The following PCDH15 variants were observed in gnomAD, a reference collection of about 807,000 sequenced individuals.
PCDH15 encodes protocadherin related 15, also known as protocadherin-15.
PCDH15 carries 129 observed loss-of-function variants against 178.5 expected under a neutral mutation model. The observed-to-expected ratio is 0.72, with a 90% confidence interval of 0.63 to 0.84. The LOEUF (loss-of-function observed/expected upper bound fraction) is 0.84, where lower values mean the gene tolerates loss of function less well. Among genes scored for constraint, PCDH15 ranks in the 40% least tolerant of loss-of-function variants. PCDH15 has a pLI of 0.00. For synonymous variants in PCDH15, 800 were observed against 732.0 expected, an observed-to-expected ratio of 1.09 and a Z score of -1.50; for missense variants, 2,230 against 2,099.9, an observed-to-expected ratio of 1.06 and a Z score of -1.21.
intron 1 of PCDH15, among the ~76,000 whole-genome samples, chr10:55,222,511 C>T (rs1005845822): frequency 6.6e-6 from 1 of 151,476 alleles, no homozygotes; most frequent in African/African-American, 2.4e-5. Flanking sequence ...TTTTTATTAA[C>T]GTTGTAAAAT....
intron 1 of PCDH15, among the ~76,000 whole-genome samples, chr10:55,229,808 A>C (rs760689010): frequency 2.6e-5 from 4 of 152,052 alleles, no homozygotes; most frequent in Non-Finnish European, 5.9e-5. Flanking sequence ...AATATTGATA[A>C]AAGCGGGGGT....
intron 3 of PCDH15, among the ~76,000 whole-genome samples, chr10:54,462,961 T>A (rs2136505309): frequency 6.6e-6 from 1 of 152,232 alleles, no homozygotes; most frequent in South Asian, 2.1e-4. Context: ...TACATCATTT[T>A]AAAACATTTC....
intron 9 of PCDH15, among the ~76,000 whole-genome samples, chr10:54,232,703 C>A (rs1030021430): frequency 6.6e-6 from 1 of 151,976 alleles, no homozygotes; most frequent in African/African-American, 2.4e-5. Flanking sequence ...TTTTTTATTT[C>A]TCTAAGCTAA....
At chr10:55,120,494 T>G (rs1200139745) in intron 2 of PCDH15, among the ~76,000 whole-genome samples, 2 of 152,040 alleles carry the variant, frequency 1.3e-5, no homozygotes, top group Non-Finnish European at 2.9e-5. Context: ...GCCCCAGGAC[T>G]GAGATCTGGA....
At chr10:53,994,792 G>A (rs1005392818) in intron 21 of PCDH15, 16 of 152,110 alleles carry the variant, frequency 1.1e-4, no homozygotes, top group African/African-American at 3.9e-4. Context: ...AATCGAAGCT[G>A]AAAAATGTTA....
chr10:55,234,298 A>G (rs1430760602), intron 1 of PCDH15, among the ~76,000 whole-genome samples: 1 of 152,142 alleles, frequency 6.6e-6, no homozygotes, highest in Non-Finnish European at 1.5e-5. Flanking sequence ...CAAATACTCA[A>G]AAACAATGTT....
At chr10:55,238,446 G>A (rs539805984) in intron 1 of PCDH15, among the ~76,000 whole-genome samples, 2 of 151,892 alleles carry the variant, frequency 1.3e-5, no homozygotes, top group Admixed American at 6.6e-5. Context: ...CACCGCGCCC[G>A]GCCGCATTCA....
At chr10:55,030,082 C>A (rs567138441) in intron 2 of PCDH15, among the ~76,000 whole-genome samples, 1 of 152,194 alleles carries the variant, frequency 6.6e-6, no homozygotes, top group South Asian at 2.1e-4. Flanking sequence ...ACAAGTTAGG[C>A]TGATGAGCTG....
At chr10:54,324,690 G>A (rs1284194943) in intron 7 of PCDH15, among the ~76,000 whole-genome samples, 1 of 151,966 alleles carries the variant, frequency 6.6e-6, no homozygotes, top group Admixed American at 6.6e-5. Flanking sequence ...TCATGAACAC[G>A]AGAGGCGAAG....
chr10:54,299,879 G>T (rs1213988512), intron 8 of PCDH15, among the ~76,000 whole-genome samples: 3 of 152,158 alleles, frequency 2.0e-5, no homozygotes, highest in Non-Finnish European at 4.4e-5. Context: ...AGTTAATATG[G>T]ACTGAACGAG....
chr10:54,347,992 GC>G (rs966045440), intron 5 of PCDH15, among the ~76,000 whole-genome samples: 119 of 152,032 alleles, frequency 7.8e-4, no homozygotes, highest in African/African-American at 2.8e-3. Flanking sequence ...GGGACCACAG[GC>G]GCCCACCACC....
At chr10:55,056,079 T>C (rs1176928780) in intron 2 of PCDH15, among the ~76,000 whole-genome samples, 1 of 152,172 alleles carries the variant, frequency 6.6e-6, no homozygotes, top group East Asian at 1.9e-4. Context: ...TAAATGCTTC[T>C]ACTTTAGTTG....
intron 2 of PCDH15, among the ~76,000 whole-genome samples, chr10:55,407,173 A>C (rs1050620713): frequency 6.6e-6 from 1 of 151,968 alleles, no homozygotes; most frequent in African/African-American, 2.4e-5. Context: ...GTGAACAGAG[A>C]TATGTGAAGG....
chr10:53,848,338 A>G (rs976796842), intron 28 of PCDH15, among the ~76,000 whole-genome samples: 2 of 151,986 alleles, frequency 1.3e-5, no homozygotes, highest in Non-Finnish European at 2.9e-5. Flanking sequence ...AGCAACTGTG[A>G]TTCAAATGTT....
At chr10:54,375,220 T>C (rs1001693378) in intron 4 of PCDH15, among the ~76,000 whole-genome samples, 3 of 152,126 alleles carry the variant, frequency 2.0e-5, no homozygotes, top group African/African-American at 7.2e-5. Context: ...ACTTTAAGCC[T>C]TCTTTAATGG....
At chr10:54,359,891 GAT>G (rs2134457237) in intron 5 of PCDH15, among the ~76,000 whole-genome samples, 1 of 152,146 alleles carries the variant, frequency 6.6e-6, no homozygotes, top group South Asian at 2.1e-4. Context: ...ATTGATGAAA[GAT>G]ATGATTATGT....
At chr10:55,497,010 G>T (rs556557044) in intron 2 of PCDH15, among the ~76,000 whole-genome samples, 1 of 151,770 alleles carries the variant, frequency 6.6e-6, no homozygotes, top group East Asian at 1.9e-4. Context: ...ATACTTTTGG[G>T]GACAATTTTT....
Position 55,470,283 on chromosome 10 carries a change from T to C in PCDH15, c.-156+157342A>G, listed in dbSNP as rs549270596. On this transcript the variant is annotated intron_variant, in intron 2 of 5. Coordinates refer to the PCDH15 transcript ENST00000613346. ...ATCTCGTGAACCCAGGAGGCAGAGA[T>C]TGCTGTGAGTCGAGATGGTGCCACT... Among the ~76,000 whole-genome samples the C allele has an allele frequency of 7.9e-4, 120 of 152,016 alleles. 1 individual carries two copies. The highest frequency in any genetic ancestry group is 8.2e-4 in the African/African-American group (34 of 41,462).
At chr10:55,305,038 G>T (rs550363933) in intron 1 of PCDH15, among the ~76,000 whole-genome samples, 1 of 152,068 alleles carries the variant, frequency 6.6e-6, no homozygotes, top group Non-Finnish European at 1.5e-5. Context: ...AAGAAGTAAC[G>T]CTATCTGTGA....
Sources: allele counts gnomAD v4.1 joint callset (sites outside exome capture counted in the v4.1 genomes callset), GRCh38; gene constraint gnomAD v4.1.1; transcripts MANE v1.5; gene names NCBI Gene and HGNC (gene_info 2026-07-23, HGNC 2026-07-21).